Variants in TSPEAR observed in about 807,000 individuals in gnomAD.
TSPEAR encodes the protein thrombospondin type laminin G domain and EAR repeats.
Under a neutral mutation model 71.6 loss-of-function variants are expected in TSPEAR, and 69 were observed. That is an observed-to-expected ratio of 0.96 (90% confidence interval 0.79 to 1.18). The LOEUF is 1.18. Among genes scored for constraint, TSPEAR ranks in the 50% most tolerant of loss-of-function variants. The pLI is 0.00. For missense variants in TSPEAR, 971 were observed against 894.9 expected, an observed-to-expected ratio of 1.09 and a Z score of -1.09; for synonymous variants, 402 against 387.2, an observed-to-expected ratio of 1.04 and a Z score of -0.45.
intron 2 of TSPEAR, among the ~76,000 whole-genome samples, chr21:44,554,941 A>G (rs1252431600): frequency 1.3e-5 from 2 of 152,262 alleles, no homozygotes; most frequent in Non-Finnish European, 2.9e-5. Flanking sequence ...TCTGTTTTAA[A>G]TAGAAATTCT....
At chr21:44,522,210 G>T in intron 8 of TSPEAR, 98 bp from the exon 9 acceptor site, 1 of 1,240,166 alleles carries the variant, frequency 8.1e-7, no homozygotes, top group Non-Finnish European at 1.2e-6. Context: ...CCTCCCCGAG[G>T]ACCGAAGACC....
chr21:44,685,837 G>A (rs1986833089), intron 1 of TSPEAR, among the ~76,000 whole-genome samples: 1 of 152,200 alleles, frequency 6.6e-6, no homozygotes, highest in Admixed American at 6.5e-5. Context: ...CACCCATTGT[G>A]CAAACCCTCT....
intron 1 of TSPEAR, among the ~76,000 whole-genome samples, chr21:44,673,037 G>A (rs1555946295): frequency 1.3e-5 from 2 of 152,186 alleles, no homozygotes; most frequent in African/African-American, 4.8e-5. Flanking sequence ...AGCAATGCAA[G>A]AACGTACTAA....
At chr21:44,584,574 T>C (rs1302145999) in intron 1 of TSPEAR, among the ~76,000 whole-genome samples, 1 of 152,240 alleles carries the variant, frequency 6.6e-6, no homozygotes, top group African/African-American at 2.4e-5. Flanking sequence ...TCTTGCTTTA[T>C]CTTTTTAAAT....
At chr21:44,545,055 C>T (rs2053279407) in intron 2 of TSPEAR, among the ~76,000 whole-genome samples, 1 of 151,110 alleles carries the variant, frequency 6.6e-6, no homozygotes, top group South Asian at 2.1e-4. Context: ...CGCGGTGGCT[C>T]ACGCCTGTAA....
In TSPEAR at chr21:44,529,843, G is replaced by A. The variant is rs2052931241; in HGVS notation, c.745C>T (p.Leu249Phe). ...TCGTTATCTTCTGGCTTCCCCGTGA[G>A]AGCCTGCAGGACCCGTGGGATGGAC... ...VLSIPRVLQA[L>F]TGKPEDNEVL... The change falls in exon 5 of 12, where the codon CTC becomes TTC. Residue 249 changes from leucine to phenylalanine, a missense_variant. Coordinates refer to ENST00000323084, the MANE Select transcript of TSPEAR (RefSeq NM_144991.3). The A allele has an allele frequency of 1.2e-6, 2 of 1,613,814 alleles. No homozygotes were observed. The highest frequency in any genetic ancestry group is 2.7e-5 in the African/African-American group (2 of 74,934).
intron 2 of TSPEAR, chr21:44,558,561 C>T: frequency 1.2e-6 from 2 of 1,613,174 alleles, no homozygotes; most frequent in Non-Finnish European, 1.7e-6. Flanking sequence ...GCTGGACACA[C>T]AGCTCACTGG....
intron 1 of TSPEAR, chr21:44,573,794 C>T: frequency 1.2e-6 from 2 of 1,614,140 alleles, no homozygotes; most frequent in Non-Finnish European, 1.7e-6. Flanking sequence ...GCTACAGCAG[C>T]CGCGTCTGCC....
In TSPEAR at chr21:44,601,838, G is replaced by A. The variant is rs186223794; in HGVS notation, c.83-33833C>T. The A allele has an allele frequency of 4.2e-5, 61 of 1,438,982 alleles. No homozygotes were observed. In the East Asian group the frequency reaches 1.2e-3, roughly 28 times the overall value. 89.1% of individuals were successfully genotyped at this position (1,438,982 alleles called of 1,614,324 possible). ...CCACATCCCGCTCCTAAGCCCTGCA[G>A]TGGACGTCAGTGGTCAGCTGGCCAT... On this transcript the variant is annotated intron_variant, in intron 1 of 11. Coordinates refer to ENST00000323084, the MANE Select transcript of TSPEAR (RefSeq NM_144991.3).
At chr21:44,515,116 C>G (rs2052521592) in intron 9 of TSPEAR, among the ~76,000 whole-genome samples, 1 of 152,198 alleles carries the variant, frequency 6.6e-6, no homozygotes, top group African/African-American at 2.4e-5. Flanking sequence ...CGCTTCAAAG[C>G]TCACGTTCAT....
intron 1 of TSPEAR, among the ~76,000 whole-genome samples, chr21:44,708,261 G>T (rs2838658): frequency 1.3e-5 from 2 of 151,880 alleles, no homozygotes; most frequent in Admixed American, 1.3e-4. Context: ...ACTGGGCTGC[G>T]GGGTCAGGAA....
At chr21:44,574,995 G>A in intron 1 of TSPEAR, 1 of 1,609,418 alleles carries the variant, frequency 6.2e-7, no homozygotes, top group South Asian at 1.1e-5. Context: ...AGCCTGCTGA[G>A]GCCTCCGCTC....
intron 1 of TSPEAR, among the ~76,000 whole-genome samples, chr21:44,662,505 G>A (rs915814319): frequency 1.3e-5 from 2 of 152,084 alleles, no homozygotes; most frequent in Non-Finnish European, 2.9e-5. Context: ...AACTGAGAAG[G>A]GAAAGGAAAA....
rs1454937252 is a variant in TSPEAR at position 44,623,406 on chromosome 21, G to A, written c.83-55401C>T. Among the ~76,000 whole-genome samples the A allele has an allele frequency of 4.6e-5, 7 of 152,216 alleles. No homozygotes were observed. Among genetic ancestry groups the A allele is most frequent in the Middle Eastern group, 3.4e-3 (1 of 292 alleles). ...CTTTAACTTCATGTAGCCCCCTCCT[G>A]AATTTTGTGATCTTCTTGCCATGTA... On this transcript the variant is annotated intron_variant, in intron 1 of 11. Transcript: ENST00000323084. This position sits in a 1 kb window ranked among gnomAD's most constrained non-coding sequence, Gnocchi z 4.5.
At chr21:44,655,995 A>G (rs1985120514) in intron 1 of TSPEAR, among the ~76,000 whole-genome samples, 1 of 152,146 alleles carries the variant, frequency 6.6e-6, no homozygotes, top group African/African-American at 2.4e-5. Context: ...TGTGGACAGA[A>G]CTTAGAAGTC....
chr21:44,641,952 C>G (rs1303727420), intron 1 of TSPEAR, among the ~76,000 whole-genome samples: 10 of 152,110 alleles, frequency 6.6e-5, no homozygotes, highest in Non-Finnish European at 2.9e-5. Flanking sequence ...ACGACCCCCT[C>G]TTTTCAAACG....
chr21:44,598,229 G>A (rs782143532), intron 1 of TSPEAR, among the ~76,000 whole-genome samples: 9 of 152,106 alleles, frequency 5.9e-5, no homozygotes, highest in African/African-American at 1.4e-4. Flanking sequence ...CTCCTCTCCC[G>A]TCTCTCCCAT....
At chr21:44,632,520 A>G (rs1168355548) in intron 1 of TSPEAR, among the ~76,000 whole-genome samples, 1 of 152,260 alleles carries the variant, frequency 6.6e-6, no homozygotes, top group Non-Finnish European at 1.5e-5. Context: ...GGCACTAGAC[A>G]ATAACTTGAA....
chr21:44,679,438 A>G (rs76038256), intron 1 of TSPEAR, among the ~76,000 whole-genome samples: 8,284 of 152,344 alleles, frequency 0.054, 240 homozygotes, highest in Middle Eastern at 0.14. Flanking sequence ...TTCATGGATC[A>G]GAAGAAATGA....
Sources: allele counts gnomAD v4.1 joint callset (sites outside exome capture counted in the v4.1 genomes callset), GRCh38; gene constraint gnomAD v4.1.1; non-coding constraint Gnocchi (gnomAD v3.1); transcripts MANE v1.5; gene names NCBI Gene and HGNC (gene_info 2026-07-23, HGNC 2026-07-21).